TCF4: variants seen among roughly 807,000 people sequenced by gnomAD.
The protein encoded by TCF4 is transcription factor 4.
In TCF4, 3 loss-of-function variants were observed where a neutral mutation model predicts 82.1. The observed-to-expected ratio is 0.04, with a 90% confidence interval of 0.02 to 0.09. The LOEUF is 0.09. Among genes scored for constraint, TCF4 ranks in the 10% least tolerant of loss-of-function variants. TCF4 has a pLI of 1.00. For missense variants in TCF4, 518 were observed against 852.7 expected (o/e 0.61, Z 4.89); for synonymous variants, 276 against 309.6 (o/e 0.89, Z 1.14).
chr18:55,223,033 G>C lies in TCF4; in HGVS notation c.*5002C>G, dbSNP rs2046076520. The C allele has an allele frequency of 6.6e-6, 1 of 152,210 alleles. No individual in the cohort carries two copies. Among genetic ancestry groups the C allele is most frequent in the Non-Finnish European group, 1.5e-5 (1 of 68,006 alleles). 9.4% of individuals were successfully genotyped at this position (152,210 alleles called of 1,614,324 possible). A position where few individuals can be genotyped will look rare whatever the true frequency, so the allele number is the denominator to read the frequency against. On this transcript the variant is annotated 3_prime_UTR_variant, in exon 20 of 20. Transcript: ENST00000354452. The stretch of plus-strand genomic sequence containing the variant: ...AATAAATCATCTTAGATTTTTGACT[G>C]AAAAGATCTGAGAATGTTCTGCCAA...
chr18:55,614,179 G>A lies in TCF4; in HGVS notation c.286+17119C>T, dbSNP rs145977738. Among the ~76,000 whole-genome samples, 349 of 152,292 alleles carry A rather than the reference G, an allele frequency of 2.3e-3. 2 individuals carry two copies. Among genetic ancestry groups the A allele is most frequent in the African/African-American group, 8.2e-3 (339 of 41,570 alleles). On this transcript the variant is annotated intron_variant, in intron 2 of 20. Transcript: ENST00000398339. ...CAATGTGCGGGGACTACAAGCATAA[G>A]CCACTAGACCCAGTGTGGGACTATT...
intron 3 of TCF4, among the ~76,000 whole-genome samples, chr18:55,577,256 T>A (rs1225284658): frequency 6.8e-6 from 1 of 146,900 alleles, no homozygotes; most frequent in Non-Finnish European, 1.5e-5. Context: ...ATATACATAT[T>A]TATACATATA....
chr18:55,337,486 A>G (rs1339797221), intron 8 of TCF4, among the ~76,000 whole-genome samples: 1 of 152,204 alleles, frequency 6.6e-6, no homozygotes, highest in Non-Finnish European at 1.5e-5. Context: ...ATCTTGAGAG[A>G]GGCTAGAAAT....
chr18:55,383,758 C>T (rs1458064529), intron 6 of TCF4: 1 of 152,200 alleles, frequency 6.6e-6, no homozygotes, highest in African/African-American at 2.4e-5. Flanking sequence ...CAGTGTCAGG[C>T]CTGGCGGTAA....
At chr18:55,406,206 A>C (rs1371341974) in intron 5 of TCF4, among the ~76,000 whole-genome samples, 2 of 150,460 alleles carry the variant, frequency 1.3e-5, no homozygotes, top group Non-Finnish European at 2.9e-5. Flanking sequence ...ACCATCAAAT[A>C]GATCGGTCCA....
intron 6 of TCF4, among the ~76,000 whole-genome samples, chr18:55,394,257 C>T (rs2093353386): frequency 6.6e-6 from 1 of 152,132 alleles, no homozygotes; most frequent in Admixed American, 6.5e-5. Context: ...CAGTAAAACC[C>T]CAACACACAG....
chr18:55,379,030 T>C (rs1014889357), intron 6 of TCF4, among the ~76,000 whole-genome samples: 1 of 152,204 alleles, frequency 6.6e-6, no homozygotes, highest in African/African-American at 2.4e-5. Context: ...GATGTCACAC[T>C]CTCAGTTATG....
chr18:55,260,064 T>G, intron 12 of TCF4, 37 bp from the exon 13 acceptor site: 1 of 1,457,544 alleles, frequency 6.9e-7, no homozygotes, highest in Non-Finnish European at 9.6e-7. Flanking sequence ...ACACCCTCAT[T>G]CATTAAAATA....
At chr18:55,520,347 TATATAA>T (rs2096922764) in intron 3 of TCF4, among the ~76,000 whole-genome samples, 1 of 152,196 alleles carries the variant, frequency 6.6e-6, no homozygotes, top group African/African-American at 2.4e-5. Context: ...CTTCTTCAGC[TATATAA>T]ATATAGATAT....
At chr18:55,583,535 C>T (rs1236832651) in intron 3 of TCF4, among the ~76,000 whole-genome samples, 1 of 152,072 alleles carries the variant, frequency 6.6e-6, no homozygotes, top group Admixed American at 6.5e-5. Flanking sequence ...ATACAGTTGT[C>T]TTTTTAAATG....
chr18:55,286,725 C>A lies in TCF4; in HGVS notation c.550-7069G>T, dbSNP rs528240619. On this transcript the variant is annotated intron_variant, in intron 8 of 19. Transcript: ENST00000354452. ...ACCAAACCAAACCACAGGATTAAAG[C>A]TCATTCACCTCACATATTTTCAGTA... 1.6e-4 allele frequency among the ~76,000 whole-genome samples: 25 copies of A among 152,308 alleles called. No individual in the cohort carries two copies. In the South Asian group the frequency reaches 4.6e-3, roughly 28 times the overall value.
chr18:55,318,381 A>G (rs1407490948), intron 8 of TCF4, among the ~76,000 whole-genome samples: 1 of 152,070 alleles, frequency 6.6e-6, no homozygotes, highest in African/African-American at 2.4e-5. Context: ...TTTCCAACAC[A>G]AAATAAGCTA....
chr18:55,366,678 C>A (rs1351109496), intron 6 of TCF4, among the ~76,000 whole-genome samples: 2 of 152,338 alleles, frequency 1.3e-5, no homozygotes, highest in East Asian at 1.9e-4. Flanking sequence ...TATTTGCACC[C>A]AGCCTGCTCA....
At chr18:55,517,487 C>T (rs1019175514) in intron 3 of TCF4, among the ~76,000 whole-genome samples, 6 of 152,104 alleles carry the variant, frequency 3.9e-5, no homozygotes, top group Non-Finnish European at 1.5e-5. Flanking sequence ...AAACTACATA[C>T]AGATTTGTGT....
rs928111198 is a variant in TCF4 at position 55,385,135 on chromosome 18, A to C, written c.369+18319T>G. Among the ~76,000 whole-genome samples, 12 of 152,242 alleles carry C rather than the reference A, an allele frequency of 7.9e-5. No homozygotes were observed. In the East Asian group the frequency reaches 2.3e-3, roughly 29 times the overall value. ...AGTAGAGAAATCAGGAAGAAAAACA[A>C]GGGGTGGCAGGGGGATAACTGGTAA... On this transcript the variant is annotated intron_variant, in intron 6 of 19. Transcript: ENST00000354452.
At chr18:55,460,793 A>C (rs914782028) in intron 5 of TCF4, among the ~76,000 whole-genome samples, 1 of 152,204 alleles carries the variant, frequency 6.6e-6, no homozygotes, top group African/African-American at 2.4e-5. Context: ...ACATAGATTC[A>C]GTATCACTAA....
chr18:55,396,031 G>C (rs1032087098), intron 6 of TCF4, among the ~76,000 whole-genome samples: 1 of 152,124 alleles, frequency 6.6e-6, no homozygotes, highest in Admixed American at 6.5e-5. Flanking sequence ...CCTGAACGGA[G>C]CTGAGTGCAG....
intron 5 of TCF4, among the ~76,000 whole-genome samples, chr18:55,427,948 T>A (rs1334956238): frequency 6.6e-6 from 1 of 152,234 alleles, no homozygotes; most frequent in Non-Finnish European, 1.5e-5. Flanking sequence ...AGGAAACTGA[T>A]AATTTATTAC....
At chr18:55,589,798 G>C (rs974157104), upstream of TCF4, 2 of 1,009,444 alleles carry the variant, frequency 2.0e-6, no homozygotes, top group Admixed American at 1.2e-4. Context: ...CGGGAACTGC[G>C]GGCTTATAAA....
Sources: gnomAD v4.1 joint callset for allele counts (sites outside exome capture counted in the v4.1 genomes callset) on GRCh38, gnomAD v4.1.1 for gene constraint, MANE v1.5 for transcripts, NCBI Gene and HGNC (gene_info 2026-07-23, HGNC 2026-07-21) for gene names.